The following SDK1 variants were observed in gnomAD, a reference collection of about 807,000 sequenced individuals.
SDK1 encodes the protein sidekick cell adhesion molecule 1.
In SDK1, 157 loss-of-function variants were observed where a neutral mutation model predicts 245.5. The observed-to-expected ratio is 0.64, with a 90% confidence interval of 0.56 to 0.73. The LOEUF (loss-of-function observed/expected upper bound fraction) is 0.73. Among genes scored for constraint, SDK1 ranks in the 30% least tolerant of loss-of-function variants. SDK1 has a pLI of 0.00. For synonymous variants in SDK1, 1,647 were observed against 1,278.5 expected, an observed-to-expected ratio of 1.29 and a Z score of -6.15; for missense variants, 3,583 against 3,002.3, an observed-to-expected ratio of 1.19 and a Z score of -4.52.
chr7:3,607,786 C>G (rs981469314), intron 1 of SDK1, among the ~76,000 whole-genome samples: 1 of 152,186 alleles, frequency 6.6e-6, no homozygotes, highest in Non-Finnish European at 1.5e-5. Context: ...CATTCTGTGA[C>G]AACATGTTTT....
At chr7:3,817,250 TC>T (rs1180368566) in intron 4 of SDK1, among the ~76,000 whole-genome samples, 1 of 152,152 alleles carries the variant, frequency 6.6e-6, no homozygotes, top group Non-Finnish European at 1.5e-5. Context: ...CTGGAACTCT[TC>T]CCCTTGGGTC....
chr7:4,056,643 A>G (rs1035220659), intron 19 of SDK1, among the ~76,000 whole-genome samples: 3 of 152,124 alleles, frequency 2.0e-5, no homozygotes. Flanking sequence ...AAAGCCCCTC[A>G]AAACTCACAG....
chr7:3,322,846 G>T (rs1197870442), intron 1 of SDK1, among the ~76,000 whole-genome samples: 2 of 152,062 alleles, frequency 1.3e-5, no homozygotes, highest in Admixed American at 1.3e-4. Flanking sequence ...CTCTGTCTCT[G>T]TCGCCCAGGC....
In SDK1 at chr7:3,829,300, A is replaced by C. The variant is rs76628359; in HGVS notation, c.847+7717A>C. Among the ~76,000 whole-genome samples, 201 of 152,354 alleles carry C rather than the reference A, an allele frequency of 1.3e-3. 6 individuals carry two copies. In the East Asian group the frequency reaches 0.018, roughly 13 times the overall value. On this transcript the variant is annotated intron_variant, in intron 5 of 44. Transcript: ENST00000404826. Reference sequence around the variant, plus strand: ...ACAACAACTGTTTGAAGCTATATGCAGATGTGATTATAAATCACACATGAG... The same window carrying C: ...ACAACAACTGTTTGAAGCTATATGCCGATGTGATTATAAATCACACATGAG...
chr7:3,676,733 T>C (rs758882553), intron 4 of SDK1, among the ~76,000 whole-genome samples: 12 of 152,248 alleles, frequency 7.9e-5, no homozygotes, highest in Non-Finnish European at 1.3e-4. Flanking sequence ...TTCTTCTGCA[T>C]ATGGATATCC....
At chr7:3,730,232 C>T (rs1471851761) in intron 4 of SDK1, among the ~76,000 whole-genome samples, 1 of 152,102 alleles carries the variant, frequency 6.6e-6, no homozygotes, top group Non-Finnish European at 1.5e-5. Flanking sequence ...GGCATCTCAG[C>T]CTCACATACA....
chr7:3,590,667 A>G (rs891579311), intron 1 of SDK1, among the ~76,000 whole-genome samples: 1 of 151,984 alleles, frequency 6.6e-6, no homozygotes, highest in Non-Finnish European at 1.5e-5. Flanking sequence ...TAATAGTCTC[A>G]TCCTTAGCTG....
At chr7:3,500,403 C>G (rs1782159980) in intron 1 of SDK1, among the ~76,000 whole-genome samples, 1 of 152,050 alleles carries the variant, frequency 6.6e-6, no homozygotes, top group Admixed American at 6.5e-5. Flanking sequence ...TACCCTCTTT[C>G]TTAGATTTAC....
At position 3,721,213 on chromosome 7, in the gene SDK1, G is replaced by A. The variant is rs552623626; in HGVS notation, c.713+79108G>A. 2.8e-4 allele frequency among the ~76,000 whole-genome samples: 43 copies of A among 152,282 alleles called. No individual in the cohort carries two copies. In the East Asian group the frequency reaches 6.6e-3, roughly 23 times the overall value. ...TGTGGTGGTAGTTACATAAAGCTAC[G>A]CGTGTGATAAAATTGCATAGAGTGT... On this transcript the variant is annotated intron_variant, in intron 4 of 44. Transcript: ENST00000404826.
intron 22 of SDK1, among the ~76,000 whole-genome samples, chr7:4,092,137 G>A (rs1781846212): frequency 6.6e-6 from 1 of 152,186 alleles, no homozygotes; most frequent in Admixed American, 6.5e-5. Context: ...TAGCCATAAA[G>A]CCCTAATAAC....
intron 44 of SDK1, among the ~76,000 whole-genome samples, chr7:4,248,371 A>G (rs910563451): frequency 8.3e-5 from 11 of 132,776 alleles, no homozygotes; most frequent in Non-Finnish European, 1.2e-4. Flanking sequence ...CCTAAATACA[A>G]CATACACCTA....
Position 3,893,458 on chromosome 7 carries a change from A to C in SDK1, c.848-57465A>C, listed in dbSNP as rs148521869. On this transcript the variant is annotated intron_variant, in intron 5 of 44. Coordinates refer to ENST00000404826, the MANE Select transcript of SDK1 (RefSeq NM_152744.4). Reference sequence around the variant, plus strand: ...AAATGAGCCGGTGCATGCAAACTCAAGTAGCTGTTATTATTTCAGTTGGCA... The same window carrying C: ...AAATGAGCCGGTGCATGCAAACTCACGTAGCTGTTATTATTTCAGTTGGCA... Among the ~76,000 whole-genome samples, 732 of 152,088 alleles carry C rather than the reference A, an allele frequency of 4.8e-3. 6 individuals carry two copies. The highest frequency in any genetic ancestry group is 0.016 in the African/African-American group (682 of 41,468).
At chr7:3,666,839 G>T (rs1783550168) in intron 4 of SDK1, among the ~76,000 whole-genome samples, 1 of 152,160 alleles carries the variant, frequency 6.6e-6, no homozygotes, top group Admixed American at 6.5e-5. Flanking sequence ...GTCTTGCAGG[G>T]TGGAAACGAG....
chr7:3,493,381 C>A (rs1781922666), intron 1 of SDK1, among the ~76,000 whole-genome samples: 1 of 152,160 alleles, frequency 6.6e-6, no homozygotes, highest in South Asian at 2.1e-4. Flanking sequence ...GAGCTCAGTC[C>A]ATTGATTTAC....
chr7:3,431,330 G>A (rs548777602), intron 1 of SDK1, among the ~76,000 whole-genome samples: 25 of 150,658 alleles, frequency 1.7e-4, no homozygotes, highest in African/African-American at 5.4e-4. Flanking sequence ...GAAAGACCCC[G>A]GGTAGAATCA....
intron 32 of SDK1, among the ~76,000 whole-genome samples, chr7:4,166,211 A>G (rs1781490959): frequency 6.6e-6 from 1 of 152,232 alleles, no homozygotes; most frequent in Non-Finnish European, 1.5e-5. Context: ...GCCTGGGCAA[A>G]GGCAGGGAGG....
At chr7:4,175,644 C>A in intron 33 of SDK1, 131 bp from the exon 34 acceptor site, 1 of 786,906 alleles carries the variant, frequency 1.3e-6, no homozygotes, top group Non-Finnish European at 2.2e-6. Flanking sequence ...CTTTATTGCC[C>A]CGGGAGGCGC....
At chr7:3,416,228 G>C (rs1403315324) in intron 1 of SDK1, among the ~76,000 whole-genome samples, 7 of 152,124 alleles carry the variant, frequency 4.6e-5, no homozygotes, top group Admixed American at 4.6e-4. Context: ...GTTGTAGAAA[G>C]AAAGATGTCT....
At position 4,245,739 on chromosome 7, in the gene SDK1, C is replaced by G; in HGVS notation, c.6315C>G (p.Tyr2105Ter). 6.2e-7 allele frequency: 1 copy of G among 1,614,082 alleles called. No individual in the cohort carries two copies. The highest frequency in any genetic ancestry group is 8.5e-7 in the Non-Finnish European group (1 of 1,179,968). Residue 2105 changes from tyrosine (Y) to a stop codon, truncating the protein, a stop_gained, in exon 44 of 45, where the codon TAC becomes TAG. Transcript: ENST00000404826. LOFTEE classifies it high-confidence loss of function. ...CAGACGAGGACATCTGCAACAAGTA[C>G]AACGGCGCCGTGCTGACCGAGAGCG... ...HYSDEDICNK[Y>*]NGAVLTESVS...
Sources: allele counts gnomAD v4.1 joint callset (sites outside exome capture counted in the v4.1 genomes callset), GRCh38; gene constraint gnomAD v4.1.1; transcripts MANE v1.5; gene names NCBI Gene and HGNC (gene_info 2026-07-23, HGNC 2026-07-21).